Variants in ARHGAP32 observed in about 807,000 individuals in gnomAD.
The protein encoded by ARHGAP32 is rho GTPase-activating protein 32.
ARHGAP32 carries 51 observed loss-of-function variants against 186.5 expected under a neutral mutation model. The observed-to-expected ratio is 0.27, with a 90% CI of 0.22 to 0.35. ARHGAP32 has a LOEUF of 0.35. Among genes scored for constraint, ARHGAP32 ranks in the 10% least tolerant of loss-of-function variants. ARHGAP32 has a pLI of 1.00. For synonymous variants in ARHGAP32, 950 were observed against 964.3 expected (o/e 0.99, Z 0.27); for missense variants, 2,186 against 2,623.5 (o/e 0.83, Z 3.64).
chr11:129,207,466 G>T (rs1385306854), intron 1 of ARHGAP32, among the ~76,000 whole-genome samples: 1 of 152,158 alleles, frequency 6.6e-6, no homozygotes, highest in East Asian at 1.9e-4. Context: ...CTGTGGTTTT[G>T]ATTTGCATTT....
chr11:129,074,211 TACA>T (rs1428905998), intron 6 of ARHGAP32, among the ~76,000 whole-genome samples: 2 of 152,188 alleles, frequency 1.3e-5, no homozygotes, highest in Admixed American at 6.5e-5. Flanking sequence ...TCTTAATTGA[TACA>T]ACAGATAACA....
chr11:129,270,852 A>G (rs1046935104), intron 1 of ARHGAP32, among the ~76,000 whole-genome samples: 1 of 152,154 alleles, frequency 6.6e-6, no homozygotes, highest in Non-Finnish European at 1.5e-5. Context: ...AACATTTTGG[A>G]CCACATAATT....
chr11:128,992,944 C>G (rs1397930921), intron 12 of ARHGAP32, among the ~76,000 whole-genome samples: 1 of 152,048 alleles, frequency 6.6e-6, no homozygotes, highest in Admixed American at 6.6e-5. Flanking sequence ...ATGTTTAATA[C>G]ACTCAATTAT....
At chr11:129,156,390 C>T (rs1943407273) in intron 2 of ARHGAP32, among the ~76,000 whole-genome samples, 2 of 152,176 alleles carry the variant, frequency 1.3e-5, no homozygotes, top group South Asian at 4.1e-4. Context: ...ACCTGGGATG[C>T]TCGAGCTTGG....
intron 1 of ARHGAP32, among the ~76,000 whole-genome samples, chr11:129,172,163 T>C (rs1340335031): frequency 6.6e-6 from 1 of 152,174 alleles, no homozygotes; most frequent in Non-Finnish European, 1.5e-5. Context: ...CCTTTATTTC[T>C]TTCTCTTGCC....
intron 5 of ARHGAP32, among the ~76,000 whole-genome samples, chr11:129,105,488 T>C (rs1056990595): frequency 6.6e-6 from 1 of 152,152 alleles, no homozygotes; most frequent in East Asian, 1.9e-4. Context: ...TTGATTTTTA[T>C]TTTTCACTCC....
At chr11:128,995,656 T>C (rs1323475607) in intron 12 of ARHGAP32, among the ~76,000 whole-genome samples, 1 of 152,180 alleles carries the variant, frequency 6.6e-6, no homozygotes, top group Non-Finnish European at 1.5e-5. Context: ...CTGGCCAACA[T>C]GGCAAAATCC....
At chr11:129,209,898 C>T (rs1411987945) in intron 1 of ARHGAP32, among the ~76,000 whole-genome samples, 1 of 152,176 alleles carries the variant, frequency 6.6e-6, no homozygotes, top group Non-Finnish European at 1.5e-5. Flanking sequence ...CGACATAAAT[C>T]ATAACCAGAA....
chr11:129,026,124 G>C (rs796728892), intron 11 of ARHGAP32, among the ~76,000 whole-genome samples: 5 of 152,066 alleles, frequency 3.3e-5, no homozygotes, highest in African/African-American at 1.2e-4. Context: ...TGGTGAATTT[G>C]GAGTAAGGTC....
At chr11:129,097,083 A>G (rs868492426) in intron 5 of ARHGAP32, among the ~76,000 whole-genome samples, 10 of 152,162 alleles carry the variant, frequency 6.6e-5, no homozygotes, top group Middle Eastern at 3.4e-3. Flanking sequence ...CAGAGTTACC[A>G]CATCATTAGA....
At position 128,974,317 on chromosome 11, in the gene ARHGAP32, C is replaced by G; in HGVS notation, c.2880G>C (p.Arg960Ser). ...SSTWDKCVEE[R>S]DATNRSPTQI... Reference sequence around the variant, plus strand: ...GGGTGGGGGATCTATTTGTGGCATCCCTTTCTTCAACGCATTTGTCCCAGG... The same window carrying G: ...GGGTGGGGGATCTATTTGTGGCATCGCTTTCTTCAACGCATTTGTCCCAGG... The change falls in exon 21 of 23, where the codon AGG (arginine) becomes AGC (serine). Residue 960 changes from arginine to serine, a missense_variant. By Grantham distance (110) the Arg-to-Ser change is moderately radical (BLOSUM62 -1). Around this residue, in one of 5 missense-constraint regions of ARHGAP32, gnomAD observed 1,502 missense variants for 1,570.0 expected, o/e 0.96. Transcript: ENST00000682385. The G allele has an allele frequency of 6.2e-7, 1 of 1,614,132 alleles. No homozygotes were observed. The highest frequency in any genetic ancestry group is 8.5e-7 in the Non-Finnish European group (1 of 1,180,012).
chr11:129,047,215 A>G (rs1939848283), intron 10 of ARHGAP32, among the ~76,000 whole-genome samples: 1 of 152,186 alleles, frequency 6.6e-6, no homozygotes, highest in Admixed American at 6.5e-5. Context: ...GTAGCCAAAC[A>G]TTTTTCAAAT....
chr11:128,986,766 T>G, intron 13 of ARHGAP32, 98 bp from the exon 14 acceptor site: 32 of 1,159,682 alleles, frequency 2.8e-5, no homozygotes, highest in Non-Finnish European at 3.7e-5. Context: ...TGTTCAGCTC[T>G]ATCTCAGTGA....
intron 5 of ARHGAP32, among the ~76,000 whole-genome samples, chr11:129,121,363 A>T (rs2135375623): frequency 6.6e-6 from 1 of 152,204 alleles, no homozygotes; most frequent in East Asian, 1.9e-4. Flanking sequence ...GATGGTATCT[A>T]ACATGGGTTG....
At chr11:129,268,966 G>T (rs551921857) in intron 1 of ARHGAP32, among the ~76,000 whole-genome samples, 3 of 152,296 alleles carry the variant, frequency 2.0e-5, no homozygotes, top group South Asian at 4.1e-4. Flanking sequence ...CTCAGAGAGA[G>T]GGGGGTTATA....
intron 1 of ARHGAP32, among the ~76,000 whole-genome samples, chr11:129,258,411 G>C (rs541233680): frequency 6.6e-6 from 1 of 152,258 alleles, no homozygotes; most frequent in Admixed American, 6.5e-5. Context: ...GTTTCCTTTA[G>C]ACTGGGATCT....
intron 5 of ARHGAP32, among the ~76,000 whole-genome samples, chr11:129,112,236 C>CA (rs35290084): frequency 0.13 from 18,231 of 140,064 alleles, 1,259 homozygotes; most frequent in South Asian, 0.33. Context: ...GAGCAAGACT[C>CA]AAAAAAAAAA....
Position 129,127,626 on chromosome 11 carries a change from A to G in ARHGAP32, c.226-2732T>C, listed in dbSNP as rs370278431. The stretch of plus-strand genomic sequence containing the variant: ...ACCTGATGAACTAATATTTTCACCT[A>G]CATATTTTAAAAATAAAACAAATTA... On this transcript the variant is annotated intron_variant, in intron 2 of 22. Coordinates refer to ENST00000682385, the MANE Select transcript of ARHGAP32 (RefSeq NM_001378024.1). Among the ~76,000 whole-genome samples, 247 of 135,548 alleles carry G rather than the reference A, an allele frequency of 1.8e-3. 3 individuals are homozygous for G. The South Asian group carries it at 0.038, about 21-fold the overall frequency. 88.9% of individuals were successfully genotyped at this position (135,548 alleles called of 152,430 possible).
chr11:129,273,748 A>G (rs1454615156), intron 1 of ARHGAP32, among the ~76,000 whole-genome samples: 1 of 152,226 alleles, frequency 6.6e-6, no homozygotes, highest in Non-Finnish European at 1.5e-5. Flanking sequence ...AAAGCAGTGG[A>G]GTCAAATGGC....
Sources: allele counts gnomAD v4.1 joint callset (sites outside exome capture counted in the v4.1 genomes callset), GRCh38; gene constraint gnomAD v4.1.1; regional missense constraint gnomAD v4.1.1; transcripts MANE v1.5; gene names NCBI Gene and HGNC (gene_info 2026-07-23, HGNC 2026-07-21).